NOL4: variants seen among roughly 807,000 people sequenced by gnomAD.
NOL4 encodes the protein cancer/testis antigen 125.
NOL4 carries 17 observed loss-of-function variants against 75.9 expected under a neutral mutation model. The ratio of observed to expected loss-of-function variants is 0.22; its 90% confidence interval spans 0.15 to 0.34. NOL4 has a LOEUF of 0.34. NOL4 is among the 10% of genes least tolerant of loss of function. The pLI is 1.00. For synonymous variants in NOL4, 292 were observed against 289.9 expected, an observed-to-expected ratio of 1.01 and a Z score of -0.07; for missense variants, 614 against 793.5, an observed-to-expected ratio of 0.77 and a Z score of 2.72.
chr18:33,964,587 G>A (rs932154769), intron 6 of NOL4, among the ~76,000 whole-genome samples: 2 of 152,150 alleles, frequency 1.3e-5, no homozygotes, highest in African/African-American at 4.8e-5. Context: ...TCTAGAAACA[G>A]TGGTTCTCAA....
intron 1 of NOL4, among the ~76,000 whole-genome samples, chr18:34,131,446 A>G (rs2080645825): frequency 6.6e-6 from 1 of 152,074 alleles, no homozygotes; most frequent in Non-Finnish European, 1.5e-5. Flanking sequence ...CTCCTGACCT[A>G]TCCCCTATAC....
intron 6 of NOL4, among the ~76,000 whole-genome samples, chr18:33,989,211 A>G (rs1330993637): frequency 1.3e-5 from 2 of 151,238 alleles, no homozygotes. Context: ...AAAAAAAAAA[A>G]AAAAAAAATC....
intron 6 of NOL4, among the ~76,000 whole-genome samples, chr18:33,980,936 C>G (rs1056622735): frequency 1.3e-5 from 2 of 151,806 alleles, no homozygotes; most frequent in Non-Finnish European, 1.5e-5. Flanking sequence ...TCTGGGGAAT[C>G]TAATAGAAAA....
At chr18:33,895,716 G>A (rs1035250685) in intron 9 of NOL4, among the ~76,000 whole-genome samples, 3 of 151,974 alleles carry the variant, frequency 2.0e-5, no homozygotes, top group Admixed American at 1.3e-4. Flanking sequence ...ATGGGAAAAC[G>A]CTGGAAGCAT....
At chr18:33,882,577 G>A (rs2064359404) in intron 10 of NOL4, among the ~76,000 whole-genome samples, 1 of 149,490 alleles carries the variant, frequency 6.7e-6, no homozygotes, top group Admixed American at 6.6e-5. Flanking sequence ...AGAGGATGTG[G>A]AGAAATAGGA....
At chr18:33,904,353 T>A (rs2065909107) in intron 9 of NOL4, among the ~76,000 whole-genome samples, 1 of 151,730 alleles carries the variant, frequency 6.6e-6, no homozygotes, top group Non-Finnish European at 1.5e-5. Context: ...AAAAGTAGAA[T>A]CCTATGTCCC....
chr18:34,168,943 ATACT>A (rs964758383), intron 1 of NOL4, among the ~76,000 whole-genome samples: 3 of 152,084 alleles, frequency 2.0e-5, no homozygotes, highest in East Asian at 1.9e-4. Context: ...AAATATACAA[ATACT>A]TACAATATCT....
At chr18:34,006,990 C>T (rs1304510059) in intron 6 of NOL4, among the ~76,000 whole-genome samples, 7 of 151,958 alleles carry the variant, frequency 4.6e-5, no homozygotes, top group African/African-American at 1.2e-4. Flanking sequence ...TAGAGACAGA[C>T]TAGAAAAAGT....
At position 33,996,770 on chromosome 18, in the gene NOL4, A is replaced by G. The variant is rs1450260855; in HGVS notation, c.1056+22548T>C. On this transcript the variant is annotated intron_variant, in intron 6 of 10. Coordinates refer to ENST00000261592, the MANE Select transcript of NOL4 (RefSeq NM_003787.5). ...TTCTTTTACGGCTGCATAGTATTCC[A>G]TGGCATGTATGTACAATATTTTCTT... Among the ~76,000 whole-genome samples, 6 of 152,058 alleles carry G rather than the reference A, an allele frequency of 3.9e-5. No individual in the cohort carries two copies. The East Asian group carries it at 9.7e-4, about 25-fold the overall frequency.
chr18:33,856,683 T>C (rs2062852198), intron 10 of NOL4, among the ~76,000 whole-genome samples: 1 of 152,056 alleles, frequency 6.6e-6, no homozygotes, highest in Non-Finnish European at 1.5e-5. Flanking sequence ...CTACAGGGGT[T>C]GGTGAAATTT....
At chr18:34,105,259 A>G in intron 2 of NOL4, 99 bp from the exon 3 acceptor site, 1 of 769,678 alleles carries the variant, frequency 1.3e-6, no homozygotes, top group South Asian at 1.5e-5. Flanking sequence ...ACGTTATTCC[A>G]TAATGGCAGG....
intron 1 of NOL4, among the ~76,000 whole-genome samples, chr18:34,198,645 C>A (rs949308091): frequency 1.3e-5 from 2 of 151,826 alleles, no homozygotes; most frequent in Admixed American, 1.3e-4. Flanking sequence ...AATGTGGATG[C>A]TGTCATTGCT....
At chr18:33,887,990 G>T (rs906553545) in intron 9 of NOL4, among the ~76,000 whole-genome samples, 3 of 152,100 alleles carry the variant, frequency 2.0e-5, no homozygotes, top group African/African-American at 7.2e-5. Context: ...CTGAGGAATC[G>T]CCACACTGTC....
intron 6 of NOL4, among the ~76,000 whole-genome samples, chr18:33,968,206 T>A (rs984770075): frequency 6.6e-6 from 1 of 152,210 alleles, no homozygotes; most frequent in African/African-American, 2.4e-5. Context: ...GTTCAGCCAC[T>A]GTGGAAAGCA....
chr18:33,954,517 C>A (rs1438457620), intron 8 of NOL4, among the ~76,000 whole-genome samples: 1 of 149,264 alleles, frequency 6.7e-6, no homozygotes, highest in Non-Finnish European at 1.5e-5. Context: ...AGAGATGTAA[C>A]TTTTTTTGAT....
chr18:34,205,885 T>A (rs2036087388), intron 1 of NOL4, among the ~76,000 whole-genome samples: 1 of 152,188 alleles, frequency 6.6e-6, no homozygotes, highest in Non-Finnish European at 1.5e-5. Flanking sequence ...AAGCTTCTGC[T>A]TTCACTGAGT....
chr18:33,867,056 CT>C, intron 10 of NOL4, among the ~76,000 whole-genome samples: 1 of 152,204 alleles, frequency 6.6e-6, no homozygotes, highest in South Asian at 2.1e-4. Context: ...CATAATTCAA[CT>C]TCATTTCTCC....
intron 9 of NOL4, among the ~76,000 whole-genome samples, chr18:33,890,466 T>C (rs1444407951): frequency 2.0e-5 from 3 of 152,094 alleles, no homozygotes; most frequent in Non-Finnish European, 4.4e-5. Context: ...AATTTATAGA[T>C]TCAATGTTAT....
rs34154177 is a variant in NOL4, at chr18:33,865,560, TA to T, written c.1724-12526del. The stretch of plus-strand genomic sequence containing the variant: ...TTGTATTTTATCTGGGTCACTGCTA[TA>T]AAAAAAAAACTACATTTTATTTATG... On this transcript the variant is annotated intron_variant, in intron 10 of 10. Transcript: ENST00000261592. Among the ~76,000 whole-genome samples, 817 of 148,522 alleles carry T rather than the reference TA, an allele frequency of 5.5e-3. 14 individuals carry two copies. The East Asian group carries it at 0.058, about 11-fold the overall frequency.
Sources: allele counts gnomAD v4.1 joint callset (sites outside exome capture counted in the v4.1 genomes callset), GRCh38; gene constraint gnomAD v4.1.1; transcripts MANE v1.5; gene names NCBI Gene and HGNC (gene_info 2026-07-23, HGNC 2026-07-21).